Variants in ZNF532 observed in about 807,000 individuals in gnomAD.
ZNF532 encodes the protein zinc finger protein 532.
Under a neutral mutation model 89.3 loss-of-function variants are expected in ZNF532, and 22 were observed. The ratio of observed to expected loss-of-function variants is 0.25; its 90% CI spans 0.18 to 0.35. ZNF532 has a LOEUF of 0.35. Ranked by LOEUF, ZNF532 falls within the 10% of genes least tolerant of loss-of-function variation. The pLI is 1.00. For synonymous variants in ZNF532, 606 were observed against 649.6 expected (o/e 0.93, Z 1.02); for missense variants, 1,132 against 1,643.4 (o/e 0.69, Z 5.38).
At chr18:58,866,485 AT>A (rs1385816452) in intron 2 of ZNF532, among the ~76,000 whole-genome samples, 2 of 152,240 alleles carry the variant, frequency 1.3e-5, no homozygotes, top group Non-Finnish European at 2.9e-5. Context: ...CCAGAATGGG[AT>A]CCAGTGTGAT....
chr18:58,897,718 C>T (rs1459470065), intron 2 of ZNF532, among the ~76,000 whole-genome samples: 4 of 152,208 alleles, frequency 2.6e-5, no homozygotes, highest in African/African-American at 9.6e-5. Flanking sequence ...TTAGGGAGCC[C>T]GAGGCAGGCA....
chr18:58,879,491 G>A (rs1263034694), intron 2 of ZNF532, among the ~76,000 whole-genome samples: 2 of 151,984 alleles, frequency 1.3e-5, no homozygotes, highest in Non-Finnish European at 2.9e-5. Context: ...TCCGCCTCCC[G>A]GATTCTCTTG....
At chr18:58,887,136 CT>C (rs2058359388) in intron 2 of ZNF532, among the ~76,000 whole-genome samples, 1 of 152,210 alleles carries the variant, frequency 6.6e-6, no homozygotes, top group African/African-American at 2.4e-5. Context: ...GTTCTGATAG[CT>C]TTGTTAGGTG....
intron 3 of ZNF532, among the ~76,000 whole-genome samples, chr18:58,927,448 AT>A (rs1030925873): frequency 1.5e-4 from 22 of 148,788 alleles, no homozygotes; most frequent in Non-Finnish European, 2.5e-4. Context: ...TTTCTTGGGA[AT>A]TTTTTTTTGT....
chr18:58,905,246 C>T (rs2145753534), intron 2 of ZNF532, among the ~76,000 whole-genome samples: 1 of 152,228 alleles, frequency 6.6e-6, no homozygotes, highest in African/African-American at 2.4e-5. Flanking sequence ...AATGGAAAGC[C>T]AATATCCAGA....
chr18:58,923,630 A>G, intron 3 of ZNF532, among the ~76,000 whole-genome samples: 1 of 152,092 alleles, frequency 6.6e-6, no homozygotes, highest in Non-Finnish European at 1.5e-5. Flanking sequence ...GGAGAAAAGA[A>G]AAGAGAAAAT....
intron 6 of ZNF532, among the ~76,000 whole-genome samples, chr18:58,951,649 T>TTTTTTTTTGGG (rs1555746574): frequency 2.3e-5 from 2 of 86,556 alleles, no homozygotes; most frequent in African/African-American, 1.2e-4. Flanking sequence ...CCCTGTTGTT[T>TTTTTTTTTGGG]TTTTTTTTTT....
chr18:58,917,374 A>G (rs2060675353), intron 2 of ZNF532, among the ~76,000 whole-genome samples: 1 of 152,160 alleles, frequency 6.6e-6, no homozygotes, highest in South Asian at 2.1e-4. Context: ...GTAAGAGGAG[A>G]CAAGTACACA....
intron 2 of ZNF532, among the ~76,000 whole-genome samples, chr18:58,903,254 C>T (rs1037104493): frequency 7.2e-5 from 11 of 152,064 alleles, no homozygotes; most frequent in Non-Finnish European, 1.3e-4. Flanking sequence ...CATTCCAGGT[C>T]AGAGGCTATC....
At chr18:58,887,245 T>A (rs946346599) in intron 2 of ZNF532, among the ~76,000 whole-genome samples, 2 of 152,232 alleles carry the variant, frequency 1.3e-5, no homozygotes, top group African/African-American at 4.8e-5. Context: ...AGTAAACTCT[T>A]CTGTGTTTGA....
chr18:58,972,685 A>G (rs2066592683), intron 7 of ZNF532, among the ~76,000 whole-genome samples: 1 of 152,024 alleles, frequency 6.6e-6, no homozygotes, highest in South Asian at 2.1e-4. Flanking sequence ...CTCCCTGCTC[A>G]TTCATTCATC....
chr18:58,922,301 G>C (rs1479896232), intron 3 of ZNF532, among the ~76,000 whole-genome samples: 2 of 152,096 alleles, frequency 1.3e-5, no homozygotes, highest in Non-Finnish European at 2.9e-5. Flanking sequence ...TTGGTGATTA[G>C]TTCCTCAGGG....
rs1457478240 is a variant in ZNF532, at chr18:58,964,838, CT to C, written c.3150+11040del. On this transcript the variant is annotated intron_variant, in intron 7 of 9. Transcript: ENST00000591808. ...CCCAGGCTTGTCTCAAACTCCTGGC[CT>C]CAAGTGATCCTCCAGCCTTGGCCTC... Among the ~76,000 whole-genome samples the C allele has an allele frequency of 2.0e-5, 3 of 151,776 alleles. No homozygotes were observed. In the East Asian group the frequency reaches 5.8e-4, roughly 29 times the overall value.
At chr18:58,901,026 GC>G (rs2059567343) in intron 2 of ZNF532, among the ~76,000 whole-genome samples, 1 of 152,152 alleles carries the variant, frequency 6.6e-6, no homozygotes, top group Admixed American at 6.5e-5. Context: ...TGTTTCATGG[GC>G]AGTCCTTGCC....
chr18:58,900,229 G>A (rs550374070), intron 2 of ZNF532, among the ~76,000 whole-genome samples: 137 of 152,318 alleles, frequency 9.0e-4, no homozygotes, highest in African/African-American at 3.2e-3. Flanking sequence ...GATCGCAGCA[G>A]TCAGCATCCG....
chr18:58,948,402 G>C (rs1020299563), intron 6 of ZNF532, among the ~76,000 whole-genome samples, 173 bp downstream of exon 6: 5 of 152,172 alleles, frequency 3.3e-5, no homozygotes, highest in African/African-American at 1.2e-4. Flanking sequence ...TCACTTGACT[G>C]TGGTGCTTTT....
intron 9 of ZNF532, among the ~76,000 whole-genome samples, chr18:58,983,599 A>AC (rs112612807): frequency 1.6e-4 from 24 of 150,090 alleles, no homozygotes; most frequent in East Asian, 3.9e-4. Flanking sequence ...CCACACATAT[A>AC]CCCCCCCCTT....
In ZNF532 at chr18:58,919,634, T is replaced by C; in HGVS notation, c.1347T>C (p.Ala449=). ...TPKQVTIKPV[A]TAFLPVSAVK... is the part of the protein sequence containing the mutation. ...AACAGGTCACAATCAAGCCTGTGGC[T>C]ACTGCTTTCCTCCCAGTGTCTGCTG... Residue 449 remains alanine, a synonymous_variant, in exon 3 of 10, where the codon GCT becomes GCC. Coordinates refer to ENST00000591808, the MANE Select transcript of ZNF532 (RefSeq NM_001375912.1). The surrounding 1 kb of genome is among the most constrained non-coding windows in gnomAD (Gnocchi z 6.1). The C allele has an allele frequency of 6.2e-7, 1 of 1,614,132 alleles. No individual in the cohort carries two copies. The highest frequency in any genetic ancestry group is 1.7e-5 in the Admixed American group (1 of 60,030).
Position 58,920,542 on chromosome 18 carries a change from A to G in ZNF532, c.2255A>G (p.His752Arg). Residue 752 changes from histidine to arginine, a missense_variant, in exon 3 of 10, where the codon CAT (histidine) becomes CGT (arginine). His to Arg is a conservative substitution (Grantham distance 29, BLOSUM62 0). Transcript: ENST00000591808. ...LDEDPSKLCR[H>R]SLKCLECNEV... ...GAAGACCCCTCCAAACTGTGTAGAC[A>G]TAGTCTAAAATGTTTGGAGTGTAAT... 1 of 1,613,816 alleles carries G rather than the reference A, an allele frequency of 6.2e-7. No individual in the cohort carries two copies.
Sources: allele counts gnomAD v4.1 joint callset (sites outside exome capture counted in the v4.1 genomes callset), GRCh38; gene constraint gnomAD v4.1.1; non-coding constraint Gnocchi (gnomAD v3.1); transcripts MANE v1.5; gene names NCBI Gene and HGNC (gene_info 2026-07-23, HGNC 2026-07-21).